PDE4D: variants seen among roughly 807,000 people sequenced by gnomAD.
PDE4D encodes 3',5'-cyclic-AMP phosphodiesterase 4D.
Under a neutral mutation model 87.4 loss-of-function variants are expected in PDE4D, and 24 were observed. That is an observed-to-expected ratio of 0.27 (90% CI 0.20 to 0.39). The LOEUF (loss-of-function observed/expected upper bound fraction) is 0.39, where lower values mean the gene tolerates loss of function less well. Ranked by LOEUF, PDE4D falls within the 10% of genes least tolerant of loss-of-function variation. The pLI is 1.00. For synonymous variants in PDE4D, 384 were observed against 383.2 expected, an observed-to-expected ratio of 1.00 and a Z score of -0.02; for missense variants, 714 against 1,041.0, an observed-to-expected ratio of 0.69 and a Z score of 4.32.
intron 1 of PDE4D, among the ~76,000 whole-genome samples, chr5:59,815,452 G>C (rs1028767218): frequency 6.6e-6 from 1 of 152,134 alleles, no homozygotes; most frequent in Admixed American, 6.5e-5. Context: ...GCTGGGTTCC[G>C]AGTTGGCTGT....
At chr5:59,759,045 T>A (rs1047914978) in intron 1 of PDE4D, among the ~76,000 whole-genome samples, 1 of 152,014 alleles carries the variant, frequency 6.6e-6, no homozygotes, top group African/African-American at 2.4e-5. Context: ...CATGATTTTT[T>A]AAAAAGCAAA....
chr5:59,639,812 A>AGT (rs70975323), intron 1 of PDE4D, among the ~76,000 whole-genome samples: 20,202 of 143,294 alleles, frequency 0.14, 1,414 homozygotes, highest in Middle Eastern at 0.21. Context: ...TAGTGTCTAT[A>AGT]GTGTGTGTGT....
chr5:59,123,147 A>G (rs1305533960), intron 5 of PDE4D, among the ~76,000 whole-genome samples: 1 of 151,886 alleles, frequency 6.6e-6, no homozygotes, highest in East Asian at 1.9e-4. Flanking sequence ...TGAACTGATC[A>G]TATTTATACC....
chr5:59,752,671 C>G (rs1199816562), intron 1 of PDE4D, among the ~76,000 whole-genome samples: 1 of 152,118 alleles, frequency 6.6e-6, no homozygotes, highest in Admixed American at 6.6e-5. Context: ...TTAATGTCAT[C>G]TAGTGGGCAG....
intron 1 of PDE4D, among the ~76,000 whole-genome samples, chr5:60,304,996 T>A (rs1247679184): frequency 6.6e-6 from 1 of 151,420 alleles, no homozygotes; most frequent in East Asian, 1.9e-4. Flanking sequence ...GAGTAATATA[T>A]ATATATATAT....
chr5:60,129,455 T>C (rs16890521), intron 2 of PDE4D, among the ~76,000 whole-genome samples: 21,426 of 152,170 alleles, frequency 0.14, 1,551 homozygotes, highest in Middle Eastern at 0.22. Flanking sequence ...ATCTTTCAGG[T>C]TTAATTTCAG....
intron 3 of PDE4D, among the ~76,000 whole-genome samples, chr5:59,952,263 C>A: frequency 6.6e-6 from 1 of 152,114 alleles, no homozygotes; most frequent in East Asian, 1.9e-4. Context: ...AATTAACCCT[C>A]TTTTCTTTAT....
At chr5:59,038,592 G>C (rs188728137) in intron 6 of PDE4D, among the ~76,000 whole-genome samples, 17 of 152,302 alleles carry the variant, frequency 1.1e-4, no homozygotes, top group Admixed American at 9.8e-4. Context: ...GGTTTCTGCT[G>C]CAAGGGCTCA....
At chr5:59,316,078 G>C (rs1231049590) in intron 1 of PDE4D, among the ~76,000 whole-genome samples, 1 of 151,928 alleles carries the variant, frequency 6.6e-6, no homozygotes, top group African/African-American at 2.4e-5. Context: ...TTTTCTTCCA[G>C]GAAGACAAAA....
At chr5:59,433,691 G>A (rs1796423699) in intron 1 of PDE4D, among the ~76,000 whole-genome samples, 2 of 152,004 alleles carry the variant, frequency 1.3e-5, no homozygotes, top group Non-Finnish European at 2.9e-5. Flanking sequence ...TTTGCATACT[G>A]GGATTTCTAT....
intron 2 of PDE4D, among the ~76,000 whole-genome samples, chr5:60,114,548 C>A (rs1373334892): frequency 6.6e-6 from 1 of 152,024 alleles, no homozygotes; most frequent in African/African-American, 2.4e-5. Context: ...ATGATGAGTA[C>A]AAACCAGAGA....
At chr5:59,574,466 A>G (rs909318698) in intron 1 of PDE4D, among the ~76,000 whole-genome samples, 1 of 151,870 alleles carries the variant, frequency 6.6e-6, no homozygotes, top group Non-Finnish European at 1.5e-5. Flanking sequence ...GAACTGTTCT[A>G]TTTTTCTCTT....
intron 2 of PDE4D, among the ~76,000 whole-genome samples, chr5:60,143,138 G>C (rs1444976505): frequency 6.6e-6 from 1 of 152,092 alleles, no homozygotes; most frequent in Non-Finnish European, 1.5e-5. Context: ...TACTCTATGG[G>C]CTTTCTGTTT....
At chr5:59,693,534 C>A (rs1751302446) in intron 1 of PDE4D, among the ~76,000 whole-genome samples, 1 of 152,128 alleles carries the variant, frequency 6.6e-6, no homozygotes, top group Non-Finnish European at 1.5e-5. Flanking sequence ...TTTAGTGAAA[C>A]AAATGGAACT....
chr5:60,391,095 C>G (rs1182232204), intron 1 of PDE4D, among the ~76,000 whole-genome samples: 5 of 152,008 alleles, frequency 3.3e-5, no homozygotes, highest in African/African-American at 1.2e-4. Context: ...ATTATCTTTC[C>G]CCTTCTACAA....
chr5:59,699,257 C>A (rs971043067), intron 1 of PDE4D, among the ~76,000 whole-genome samples: 1 of 151,972 alleles, frequency 6.6e-6, no homozygotes, highest in Non-Finnish European at 1.5e-5. Flanking sequence ...AAATAAGAAT[C>A]AGAAATTATG....
intron 2 of PDE4D, among the ~76,000 whole-genome samples, chr5:60,004,720 G>C (rs1192025174): frequency 6.6e-6 from 1 of 152,098 alleles, no homozygotes; most frequent in African/African-American, 2.4e-5. Flanking sequence ...ATATAAAATG[G>C]TGTTCACCAT....
At position 59,233,222 on chromosome 5, in the gene PDE4D, C is replaced by T. The variant is rs987317045; in HGVS notation, c.456-17254G>A. On this transcript the variant is annotated intron_variant, in intron 1 of 14. Coordinates refer to ENST00000340635, the MANE Select transcript of PDE4D (RefSeq NM_001104631.2). ...GATAAATGCCCAAGGTGCTGGATAC[C>T]CTAAATAATTTGTCTCGGTCATTAT... Among the ~76,000 whole-genome samples the T allele has an allele frequency of 6.6e-5, 10 of 151,740 alleles. No individual in the cohort carries two copies. The South Asian group carries it at 8.4e-4, about 13-fold the overall frequency.
At chr5:60,187,225 G>A (rs545820295) in intron 1 of PDE4D, among the ~76,000 whole-genome samples, 26 of 152,292 alleles carry the variant, frequency 1.7e-4, no homozygotes, top group African/African-American at 6.3e-4. Flanking sequence ...AGTAGGATTT[G>A]AAGGGAGGAG....
Sources: allele counts gnomAD v4.1 joint callset (sites outside exome capture counted in the v4.1 genomes callset), GRCh38; gene constraint gnomAD v4.1.1; transcripts MANE v1.5; gene names NCBI Gene and HGNC (gene_info 2026-07-23, HGNC 2026-07-21).